Variants in NRG1 observed in about 807,000 individuals in gnomAD.
NRG1 encodes neuregulin 1.
A neutral mutation model predicts 63.8 loss-of-function variants in NRG1; 18 were observed. That is an observed-to-expected ratio of 0.28 (90% CI 0.19 to 0.42). The LOEUF (loss-of-function observed/expected upper bound fraction) is 0.42, where lower values mean the gene tolerates loss of function less well. Among genes scored for constraint, NRG1 ranks in the 10% least tolerant of loss-of-function variants. NRG1 has a pLI of 1.00. For synonymous variants in NRG1, 302 were observed against 301.3 expected (o/e 1.00, Z -0.02); for missense variants, 762 against 814.7 (o/e 0.94, Z 0.79).
In NRG1 at chr8:32,412,952, AC is replaced by A. The variant is rs1464166005; in HGVS notation, c.38-182875del. ...TTTTGATTATCAACCTAACTTTAAA[AC>A]TGGGAAATTATACATAGACTGGTTA... On this transcript the variant is annotated intron_variant, in intron 1 of 10. Coordinates refer to the NRG1 transcript ENST00000519301. Among the ~76,000 whole-genome samples, 3 of 152,228 alleles carry A rather than the reference AC, an allele frequency of 2.0e-5. No individual in the cohort carries two copies. The East Asian group carries it at 5.8e-4, about 29-fold the overall frequency.
Position 32,144,042 on chromosome 8 carries a change from A to C in NRG1, c.38-451786A>C, listed in dbSNP as rs1836588475. On this transcript the variant is annotated intron_variant, in intron 1 of 10. Coordinates refer to the NRG1 transcript ENST00000519301. ...AGGAGCTAAAATGGGAAAAGCAGTT[A>C]GAATGATGAGTCCAGTTGGAGCCTG... Among the ~76,000 whole-genome samples, 2 of 152,250 alleles carry C rather than the reference A, an allele frequency of 1.3e-5. 1 individual carries two copies. Among genetic ancestry groups the C allele is most frequent in the East Asian group, 3.9e-4 (2 of 5,192 alleles).
At chr8:32,706,746 A>T (rs1816533060) in intron 5 of NRG1, among the ~76,000 whole-genome samples, 1 of 152,168 alleles carries the variant, frequency 6.6e-6, no homozygotes, top group African/African-American at 2.4e-5. Context: ...GTCATAAAAA[A>T]GGAATGGTAG....
At chr8:32,153,447 C>G (rs145923822) in intron 1 of NRG1, among the ~76,000 whole-genome samples, 9 of 152,204 alleles carry the variant, frequency 5.9e-5, no homozygotes, top group Middle Eastern at 3.4e-3. Flanking sequence ...AAATGGAGTT[C>G]CTGCCACCCT....
At chr8:32,717,214 C>A (rs1819469182) in intron 5 of NRG1, among the ~76,000 whole-genome samples, 1 of 152,030 alleles carries the variant, frequency 6.6e-6, no homozygotes, top group South Asian at 2.1e-4. Flanking sequence ...TTATGACCAG[C>A]TAGTCCTGGT....
At chr8:31,889,720 C>T (rs1354770462) in intron 1 of NRG1, among the ~76,000 whole-genome samples, 1 of 152,168 alleles carries the variant, frequency 6.6e-6, no homozygotes, top group Non-Finnish European at 1.5e-5. Context: ...GAGAACTCTG[C>T]AAAGGGAACC....
chr8:32,233,561 ATATTTTTT>A lies in NRG1; in HGVS notation c.38-362265_38-362258del, dbSNP rs1296629479. On this transcript the variant is annotated intron_variant, in intron 1 of 10. Transcript: ENST00000519301. ...AATATATATATATATATATATATAT[ATATTTTTT>A]TTTTTTTTTCTTTTGAAACGGTGTC... Among the ~76,000 whole-genome samples, 134 of 59,336 alleles carry A rather than the reference ATATTTTTT, an allele frequency of 2.3e-3. 2 individuals are homozygous for A. Among genetic ancestry groups the A allele is most frequent in the African/African-American group, 9.9e-3 (121 of 12,234 alleles). The allele number at this position is 59,336 out of a possible 152,430, so 38.9% of individuals were successfully genotyped here. A position where few individuals can be genotyped will look rare whatever the true frequency, so the allele number is the denominator to read the frequency against.
At chr8:32,553,973 G>A (rs1329030605) in intron 1 of NRG1, among the ~76,000 whole-genome samples, 8 of 152,118 alleles carry the variant, frequency 5.3e-5, no homozygotes, top group Non-Finnish European at 4.4e-5. Context: ...CAAGTAACAA[G>A]TTAAATTGGA....
intron 3 of NRG1, among the ~76,000 whole-genome samples, chr8:32,607,066 G>A (rs1845403247): frequency 6.6e-6 from 1 of 152,128 alleles, no homozygotes. Context: ...GAGTAAAGGA[G>A]AGCAGGGAAA....
At chr8:32,416,330 A>C (rs1288644392) in intron 1 of NRG1, among the ~76,000 whole-genome samples, 3 of 111,450 alleles carry the variant, frequency 2.7e-5, no homozygotes, top group South Asian at 3.3e-4. Context: ...TTCCTTCCTT[A>C]ATTCCTTCTG....
intron 5 of NRG1, among the ~76,000 whole-genome samples, chr8:32,725,767 C>T (rs1458192990): frequency 6.6e-6 from 1 of 152,002 alleles, no homozygotes; most frequent in Middle Eastern, 3.2e-3. Flanking sequence ...ATCCACCGTA[C>T]CCAGCCCATT....
intron 1 of NRG1, among the ~76,000 whole-genome samples, chr8:32,430,787 G>GT (rs35752428): frequency 0.027 from 3,655 of 134,100 alleles, 127 homozygotes; most frequent in African/African-American, 0.08. Flanking sequence ...AATGGTTTGG[G>GT]TTTTTTTTTT....
At chr8:32,608,107 GTTT>G (rs1224928528) in intron 3 of NRG1, among the ~76,000 whole-genome samples, 4,756 of 104,662 alleles carry the variant, frequency 0.045, 256 homozygotes, top group African/African-American at 0.17. Flanking sequence ...TTTTTTTTTT[GTTT>G]TTTTTTTTTT....
chr8:32,602,051 T>C (rs111577023), intron 2 of NRG1, among the ~76,000 whole-genome samples: 3 of 152,142 alleles, frequency 2.0e-5, no homozygotes, highest in Non-Finnish European at 4.4e-5. Flanking sequence ...CTCGATCAAA[T>C]TGAATCTTAG....
chr8:32,042,427 T>C (rs568532649), intron 1 of NRG1, among the ~76,000 whole-genome samples: 12 of 151,852 alleles, frequency 7.9e-5, no homozygotes, highest in African/African-American at 2.7e-4. Context: ...GCTTGGGTGA[T>C]AGAGCAAGAC....
At chr8:32,271,036 G>C (rs1851489837) in intron 1 of NRG1, among the ~76,000 whole-genome samples, 1 of 152,192 alleles carries the variant, frequency 6.6e-6, no homozygotes, top group South Asian at 2.1e-4. Context: ...TAGATGAAAA[G>C]TGTTTTGGGG....
chr8:32,547,590 A>ACACAC (rs1833208040), upstream of NRG1, among the ~76,000 whole-genome samples: 5 of 148,386 alleles, frequency 3.4e-5, no homozygotes, highest in African/African-American at 1.2e-4. Flanking sequence ...GCACTTACTA[A>ACACAC]ACACACACAC....
intron 1 of NRG1, among the ~76,000 whole-genome samples, chr8:32,391,342 C>T (rs1350579369): frequency 6.6e-6 from 1 of 151,926 alleles, no homozygotes; most frequent in Admixed American, 6.6e-5. Flanking sequence ...TCATGTTGCC[C>T]AGTCTGGAAT....
chr8:31,945,476 A>C (rs1459975136), intron 1 of NRG1, among the ~76,000 whole-genome samples: 2 of 152,314 alleles, frequency 1.3e-5, no homozygotes, highest in East Asian at 3.9e-4. Flanking sequence ...TCCCTACACC[A>C]AAAACAGTAT....
chr8:32,436,253 C>T (rs995309468), intron 1 of NRG1, among the ~76,000 whole-genome samples: 7 of 152,196 alleles, frequency 4.6e-5, no homozygotes, highest in Middle Eastern at 3.4e-3. Context: ...TTCACTACCA[C>T]GAGTATTGTG....
Sources: gnomAD v4.1 joint callset for allele counts (sites outside exome capture counted in the v4.1 genomes callset) on GRCh38, gnomAD v4.1.1 for gene constraint, MANE v1.5 for transcripts, NCBI Gene and HGNC (gene_info 2026-07-23, HGNC 2026-07-21) for gene names.